Variants in SYK observed in about 807,000 individuals in gnomAD.
SYK encodes the protein tyrosine-protein kinase SYK.
Under a neutral mutation model 77.8 loss-of-function variants are expected in SYK, and 16 were observed. The observed-to-expected ratio is 0.21, with a 90% CI of 0.14 to 0.31. The LOEUF (loss-of-function observed/expected upper bound fraction) is 0.31. Ranked by LOEUF, SYK falls within the 10% of genes least tolerant of loss-of-function variation. SYK has a pLI of 1.00. For synonymous variants in SYK, 312 were observed against 308.7 expected, an observed-to-expected ratio of 1.01 and a Z score of -0.11; for missense variants, 529 against 814.4, an observed-to-expected ratio of 0.65 and a Z score of 4.26.
At chr9:90,866,022 G>A (rs199553283) in intron 6 of SYK, among the ~76,000 whole-genome samples, 35 of 147,946 alleles carry the variant, frequency 2.4e-4, no homozygotes, top group African/African-American at 7.9e-4. Context: ...CCTCAGCCTC[G>A]CGAGTAGCTG....
chr9:90,806,629 A>G (rs776695063), intron 1 of SYK, among the ~76,000 whole-genome samples: 1 of 152,218 alleles, frequency 6.6e-6, no homozygotes, highest in Non-Finnish European at 1.5e-5. Flanking sequence ...CCTCTTGTTA[A>G]CACTCACCTA....
At chr9:90,815,794 C>A (rs1317740076) in intron 1 of SYK, among the ~76,000 whole-genome samples, 2 of 152,262 alleles carry the variant, frequency 1.3e-5, no homozygotes, top group African/African-American at 4.8e-5. Context: ...TTGTTCCCCT[C>A]TGTTTGGGAG....
chr9:90,833,947 C>G (rs1277686032), intron 1 of SYK, among the ~76,000 whole-genome samples: 1 of 152,180 alleles, frequency 6.6e-6, no homozygotes, highest in South Asian at 2.1e-4. Flanking sequence ...CTGCAGGCTC[C>G]AGGAGGGTGG....
At chr9:90,823,061 C>T (rs1825570740) in intron 1 of SYK, among the ~76,000 whole-genome samples, 1 of 152,164 alleles carries the variant, frequency 6.6e-6, no homozygotes, top group African/African-American at 2.4e-5. Context: ...AGCCTTGTCT[C>T]AGCTGGGAAT....
chr9:90,815,246 C>A (rs1825247940), intron 1 of SYK, among the ~76,000 whole-genome samples: 1 of 152,164 alleles, frequency 6.6e-6, no homozygotes, highest in Non-Finnish European at 1.5e-5. Flanking sequence ...ACCTTCAAGA[C>A]CAAGAAATAA....
chr9:90,836,176 A>T (rs1429212709), intron 1 of SYK, among the ~76,000 whole-genome samples: 1 of 151,806 alleles, frequency 6.6e-6, no homozygotes, highest in Non-Finnish European at 1.5e-5. Flanking sequence ...AATCCCAGCT[A>T]CTTGGGAGGC....
chr9:90,811,725 C>T (rs1251507134), intron 1 of SYK, among the ~76,000 whole-genome samples: 1 of 150,416 alleles, frequency 6.6e-6, no homozygotes, highest in African/African-American at 2.5e-5. Context: ...TGAAGCCAGC[C>T]TGGGCAATAT....
intron 4 of SYK, among the ~76,000 whole-genome samples, chr9:90,863,612 A>G (rs1426204957): frequency 1.3e-5 from 2 of 152,308 alleles, no homozygotes; most frequent in East Asian, 1.9e-4. Flanking sequence ...GCCATTTGTC[A>G]TCATTAACCA....
chr9:90,867,496 A>G (rs1827552882), intron 7 of SYK, among the ~76,000 whole-genome samples: 1 of 152,204 alleles, frequency 6.6e-6, no homozygotes, highest in Non-Finnish European at 1.5e-5. Context: ...GTCATAGCTA[A>G]TTATCATGTC....
Position 90,896,991 on chromosome 9 carries a change from C to A in SYK, c.*1391C>A. ...GCAGTGAGCCAAGATCATGCCACTGCACTCCAGCTTGGGCATCACAGCGAG... is the reference window on the plus strand; with the variant it reads ...GCAGTGAGCCAAGATCATGCCACTGAACTCCAGCTTGGGCATCACAGCGAG... On this transcript the variant is annotated 3_prime_UTR_variant, in exon 14 of 14. Coordinates refer to ENST00000375754, the MANE Select transcript of SYK (RefSeq NM_003177.7). 4.9e-6 allele frequency: 1 copy of A among 204,336 alleles called. No homozygotes were observed. Among genetic ancestry groups the A allele is most frequent in the Non-Finnish European group, 1.0e-5 (1 of 99,772 alleles). 12.7% of individuals were successfully genotyped at this position (204,336 alleles called of 1,614,324 possible). A position where few individuals can be genotyped will look rare whatever the true frequency, so the allele number is the denominator to read the frequency against.
rs1421560960 is a variant in SYK at position 90,884,421 on chromosome 9, A to C, written c.1582-3328A>C. Among the ~76,000 whole-genome samples, 2 of 75,324 alleles carry C rather than the reference A, an allele frequency of 2.7e-5. 1 individual carries two copies. Among genetic ancestry groups the C allele is most frequent in the African/African-American group, 1.2e-4 (2 of 17,006 alleles). The allele number at this position is 75,324 out of a possible 152,430, so 49.4% of individuals were successfully genotyped here. A position where few individuals can be genotyped will look rare whatever the true frequency, so the allele number is the denominator to read the frequency against. Reference sequence around the variant, plus strand: ...TACACATATGTGTATATATACATACATATACACATATGTGTGTACATATAC... The same window carrying C: ...TACACATATGTGTATATATACATACCTATACACATATGTGTGTACATATAC... On this transcript the variant is annotated intron_variant, in intron 11 of 13. Transcript: ENST00000375754.
chr9:90,883,953 G>C (rs907233019), intron 11 of SYK, among the ~76,000 whole-genome samples: 1 of 152,084 alleles, frequency 6.6e-6, no homozygotes, highest in African/African-American at 2.4e-5. Context: ...GTCACCACTG[G>C]GGTCTGAAGA....
In SYK at chr9:90,846,258, G is replaced by A. The variant is rs186067926; in HGVS notation, c.578+664G>A. The stretch of plus-strand genomic sequence containing the variant: ...TGGGAGGTGTCAACCTTGTTCCCTC[G>A]AGGGGGTCTGGTCAAGGTGGCTCAG... On this transcript the variant is annotated intron_variant, in intron 3 of 13. Coordinates refer to ENST00000375754, the MANE Select transcript of SYK (RefSeq NM_003177.7). Among the ~76,000 whole-genome samples, 65 of 152,312 alleles carry A rather than the reference G, an allele frequency of 4.3e-4. 1 individual carries two copies. Among genetic ancestry groups the A allele is most frequent in the East Asian group, 1.5e-3 (8 of 5,174 alleles).
intron 13 of SYK, among the ~76,000 whole-genome samples, chr9:90,894,952 C>T (rs912583346): frequency 6.6e-6 from 1 of 152,220 alleles, no homozygotes; most frequent in Non-Finnish European, 1.5e-5. Flanking sequence ...TGGGTCTTTG[C>T]TCCTGCCATG....
In SYK at chr9:90,877,637, G is replaced by A. The variant is rs2118887671; in HGVS notation, c.1248G>A (p.Glu416=). The change falls in exon 10 of 14, where the codon GAG becomes GAA. Residue 416 remains glutamate, a synonymous_variant. Coordinates refer to ENST00000375754, the MANE Select transcript of SYK (RefSeq NM_003177.7). ...NEANDPALKD[E]LLAEANVMQQ... The stretch of plus-strand genomic sequence containing the variant: ...CCAATGACCCCGCTCTTAAAGATGA[G>A]TTATTAGCAGAAGCAAATGTCATGC... 1 of 1,614,228 alleles carries A rather than the reference G, an allele frequency of 6.2e-7. No individual in the cohort carries two copies. Among genetic ancestry groups the A allele is most frequent in the South Asian group, 1.1e-5 (1 of 91,088 alleles).
chr9:90,852,532 C>A (rs1350573482), intron 3 of SYK, among the ~76,000 whole-genome samples: 1 of 152,174 alleles, frequency 6.6e-6, no homozygotes, highest in Non-Finnish European at 1.5e-5. Context: ...AGTATTGTTT[C>A]TTTGTATTAA....
At chr9:90,820,299 ACT>A in intron 1 of SYK, among the ~76,000 whole-genome samples, 1 of 152,080 alleles carries the variant, frequency 6.6e-6, no homozygotes, top group Admixed American at 6.5e-5. Flanking sequence ...CCCAGTAGGG[ACT>A]CTGTGTGGGA....
Position 90,827,922 on chromosome 9 carries a change from T to C in SYK, c.-41-15936T>C, listed in dbSNP as rs546558969. On this transcript the variant is annotated intron_variant, in intron 1 of 13. Coordinates refer to ENST00000375754, the MANE Select transcript of SYK (RefSeq NM_003177.7). ...ACCATCATAAGCTCCTGTAATATCT[T>C]GCAGTCCTGAGTCACCCACAATTAT... Among the ~76,000 whole-genome samples the C allele has an allele frequency of 4.6e-5, 7 of 152,330 alleles. No homozygotes were observed. In the South Asian group the frequency reaches 6.2e-4, roughly 14 times the overall value.
At chr9:90,828,241 C>CT (rs1554706488) in intron 1 of SYK, among the ~76,000 whole-genome samples, 4 of 100,040 alleles carry the variant, frequency 4.0e-5, no homozygotes, top group Admixed American at 2.1e-4. Flanking sequence ...CCCCGCCCCC[C>CT]CCCCCGCCCC....
Sources: allele counts gnomAD v4.1 joint callset (sites outside exome capture counted in the v4.1 genomes callset), GRCh38; gene constraint gnomAD v4.1.1; transcripts MANE v1.5; gene names NCBI Gene and HGNC (gene_info 2026-07-23, HGNC 2026-07-21).